Variants in CCSER1 observed in about 807,000 individuals in gnomAD.
CCSER1 encodes coiled-coil serine rich protein 1, also known as serine-rich coiled-coil domain-containing protein 1.
In CCSER1, 41 loss-of-function variants were observed where a neutral mutation model predicts 82.0. The ratio of observed to expected loss-of-function variants is 0.50; its 90% confidence interval spans 0.39 to 0.65. The LOEUF (loss-of-function observed/expected upper bound fraction) is 0.65. CCSER1 is among the 30% of genes least tolerant of loss of function. The probability of loss-of-function intolerance (pLI) is 0.00; values close to 1 mark genes in which losing one functional copy is unlikely to be tolerated. For missense variants in CCSER1, 1,119 were observed against 1,064.2 expected (o/e 1.05, Z -0.72); for synonymous variants, 414 against 383.9 (o/e 1.08, Z -0.92).
At chr4:91,139,234 G>T (rs1367493484) in intron 10 of CCSER1, among the ~76,000 whole-genome samples, 1 of 151,976 alleles carries the variant, frequency 6.6e-6, no homozygotes, top group Non-Finnish European at 1.5e-5. Context: ...TTTTATGGCT[G>T]CATAGTATTC....
At chr4:91,089,080 C>G (rs1723676312) in intron 10 of CCSER1, among the ~76,000 whole-genome samples, 1 of 152,162 alleles carries the variant, frequency 6.6e-6, no homozygotes, top group Non-Finnish European at 1.5e-5. Context: ...AAAGCATCAG[C>G]AGACTAGCAT....
intron 5 of CCSER1, among the ~76,000 whole-genome samples, chr4:90,614,661 T>A (rs1056096491): frequency 6.6e-6 from 1 of 152,110 alleles, no homozygotes; most frequent in Non-Finnish European, 1.5e-5. Flanking sequence ...TTATGAAGGC[T>A]GAGAGAGGTG....
intron 10 of CCSER1, among the ~76,000 whole-genome samples, chr4:91,176,610 G>A (rs1050119237): frequency 1.1e-4 from 16 of 151,290 alleles, no homozygotes; most frequent in African/African-American, 2.5e-5. Context: ...TCATGATTTG[G>A]CTCTCTGTTT....
At chr4:91,080,025 A>G (rs919764096) in intron 9 of CCSER1, among the ~76,000 whole-genome samples, 1 of 152,164 alleles carries the variant, frequency 6.6e-6, no homozygotes, top group Admixed American at 6.5e-5. Context: ...GAAAGTTAAT[A>G]AGGATATCCA....
chr4:90,461,671 C>T (rs1367246998), intron 4 of CCSER1, among the ~76,000 whole-genome samples: 1 of 152,002 alleles, frequency 6.6e-6, no homozygotes, highest in East Asian at 1.9e-4. Context: ...CTTTTCTTTT[C>T]CCCCATGCCT....
chr4:90,268,028 AC>A (rs1191889698), intron 1 of CCSER1, among the ~76,000 whole-genome samples: 1 of 152,204 alleles, frequency 6.6e-6, no homozygotes, highest in Admixed American at 6.5e-5. Flanking sequence ...AAAACCTTTT[AC>A]CCTAGAATAG....
intron 1 of CCSER1, among the ~76,000 whole-genome samples, chr4:90,170,508 G>A (rs556850575): frequency 2.0e-5 from 3 of 148,924 alleles, no homozygotes; most frequent in Non-Finnish European, 4.5e-5. Flanking sequence ...GTTAACCATC[G>A]CCCCCTAGCC....
chr4:90,314,927 A>G (rs1443990688), intron 3 of CCSER1, among the ~76,000 whole-genome samples: 1 of 140,272 alleles, frequency 7.1e-6, no homozygotes, highest in African/African-American at 2.7e-5. Context: ...GTTCACTGCA[A>G]CCTCTACCTC....
intron 8 of CCSER1, among the ~76,000 whole-genome samples, chr4:90,875,060 A>G (rs1256808002): frequency 6.6e-6 from 1 of 152,064 alleles, no homozygotes; most frequent in Non-Finnish European, 1.5e-5. Context: ...AACAAAAACA[A>G]CAACAACAAC....
intron 1 of CCSER1, among the ~76,000 whole-genome samples, chr4:90,288,391 C>G (rs1321012907): frequency 2.0e-5 from 3 of 151,934 alleles, no homozygotes; most frequent in Non-Finnish European, 4.4e-5. Context: ...TACTTGTCTT[C>G]TTCATTATTT....
chr4:90,820,817 A>G (rs980257549), intron 8 of CCSER1, among the ~76,000 whole-genome samples: 1 of 151,912 alleles, frequency 6.6e-6, no homozygotes, highest in Non-Finnish European at 1.5e-5. Flanking sequence ...AGCATATTGT[A>G]TAACACGATG....
chr4:90,150,822 G>A (rs1227211810), intron 1 of CCSER1, among the ~76,000 whole-genome samples: 2 of 152,104 alleles, frequency 1.3e-5, no homozygotes, highest in African/African-American at 4.8e-5. Flanking sequence ...TTAATAATCA[G>A]TTTGTGTATT....
chr4:91,478,015 T>C (rs1354939943), intron 10 of CCSER1, among the ~76,000 whole-genome samples: 1 of 151,852 alleles, frequency 6.6e-6, no homozygotes, highest in African/African-American at 2.4e-5. Context: ...TAGACAATAA[T>C]CTTAATTCAT....
intron 8 of CCSER1, among the ~76,000 whole-genome samples, chr4:90,851,124 C>A (rs1426053945): frequency 2.0e-5 from 3 of 152,172 alleles, no homozygotes; most frequent in Admixed American, 1.3e-4. Flanking sequence ...GTTAAGTTTT[C>A]TGGGGCCTCC....
intron 5 of CCSER1, among the ~76,000 whole-genome samples, chr4:90,517,846 T>A (rs1231335966): frequency 6.6e-6 from 1 of 152,152 alleles, no homozygotes; most frequent in East Asian, 1.9e-4. Flanking sequence ...TATAATATTT[T>A]GAATCAGGAT....
intron 9 of CCSER1, among the ~76,000 whole-genome samples, chr4:90,989,396 T>C (rs1322946510): frequency 6.6e-6 from 1 of 151,736 alleles, no homozygotes; most frequent in Non-Finnish European, 1.5e-5. Context: ...ACATCTGGGG[T>C]ATACGTTTTG....
intron 1 of CCSER1, among the ~76,000 whole-genome samples, chr4:90,177,323 G>A (rs1732895138): frequency 6.6e-6 from 1 of 152,110 alleles, no homozygotes; most frequent in Non-Finnish European, 1.5e-5. Context: ...ACCAGTTGTA[G>A]CAGCAATGGC....
intron 9 of CCSER1, among the ~76,000 whole-genome samples, chr4:90,975,639 T>C (rs1362163670): frequency 6.6e-6 from 1 of 151,174 alleles, no homozygotes; most frequent in Non-Finnish European, 1.5e-5. Flanking sequence ...GGCCATTATA[T>C]TATTAGTAGT....
At chr4:91,247,037 C>A (rs1462343560) in intron 10 of CCSER1, among the ~76,000 whole-genome samples, 1 of 152,142 alleles carries the variant, frequency 6.6e-6, no homozygotes, top group Non-Finnish European at 1.5e-5. Flanking sequence ...TGCAGTGGCT[C>A]ACACCTGTAA....
Sources: allele counts gnomAD v4.1 joint callset (sites outside exome capture counted in the v4.1 genomes callset), GRCh38; gene constraint gnomAD v4.1.1; transcripts MANE v1.5; gene names NCBI Gene and HGNC (gene_info 2026-07-23, HGNC 2026-07-21).